DACH2: variants seen among roughly 807,000 people sequenced by gnomAD.
DACH2 encodes dachshund homolog 2.
In DACH2, 17 loss-of-function variants were observed where a neutral mutation model predicts 35.8. That is an observed-to-expected ratio of 0.48 (90% confidence interval 0.33 to 0.71). The LOEUF (loss-of-function observed/expected upper bound fraction) is 0.71, where lower values mean the gene tolerates loss of function less well. DACH2 is among the 30% of genes least tolerant of loss of function. DACH2 has a pLI of 0.02. For missense variants in DACH2, 469 were observed against 472.7 expected, an observed-to-expected ratio of 0.99 and a Z score of 0.07; for synonymous variants, 195 against 177.3, an observed-to-expected ratio of 1.10 and a Z score of -0.79.
At chrX:86,734,081 A>G (rs1271566176) in intron 6 of DACH2, among the ~76,000 whole-genome samples, 1 of 110,772 alleles carries the variant, frequency 9.0e-6, no homozygotes, top group African/African-American at 3.3e-5. Flanking sequence ...TTTCCCACTG[A>G]ACTATTCATT....
At chrX:86,744,160 C>T (rs1288802659) in intron 7 of DACH2, among the ~76,000 whole-genome samples, 2 of 111,074 alleles carry the variant, frequency 1.8e-5, no homozygotes, top group African/African-American at 6.5e-5. Flanking sequence ...TAGTAGTATG[C>T]ACTGGTATTT....
intron 1 of DACH2, among the ~76,000 whole-genome samples, chrX:86,345,675 A>G (rs2035484345): frequency 8.9e-6 from 1 of 111,994 alleles, no homozygotes; most frequent in African/African-American, 3.2e-5. Flanking sequence ...ATAACGGACC[A>G]TGCAGCCTCA....
rs145610095 is a variant in DACH2 at position 86,199,656 on chromosome X, T to A, written c.488+50548T>A. On this transcript the variant is annotated intron_variant, in intron 1 of 11. Coordinates refer to ENST00000373125, the MANE Select transcript of DACH2 (RefSeq NM_053281.3). ...AGCCAAATCAGGAATTCAATCCCCT[T>A]CACAATTGCCAGAAAATGAATAAAA... 1.2e-3 allele frequency among the ~76,000 whole-genome samples: 137 copies of A among 111,670 alleles called. 1 individual carries two copies. In the East Asian group the frequency reaches 0.032, roughly 26 times the overall value.
chrX:86,667,356 AGAGGAAG>A (rs2040688154), intron 4 of DACH2, among the ~76,000 whole-genome samples: 1 of 75,519 alleles, frequency 1.3e-5, no homozygotes, highest in Non-Finnish European at 2.6e-5. Flanking sequence ...GAAGGAAGGA[AGAGGAAG>A]GGAAGGGAGG....
chrX:86,608,666 G>A (rs946637586), intron 3 of DACH2, among the ~76,000 whole-genome samples: 1 of 111,125 alleles, frequency 9.0e-6, no homozygotes. Context: ...TGTTTGTCTC[G>A]GATAGTCATT....
intron 1 of DACH2, among the ~76,000 whole-genome samples, chrX:86,228,948 G>C (rs1402792782): frequency 1.8e-5 from 2 of 111,635 alleles, no homozygotes; most frequent in Non-Finnish European, 3.8e-5. Context: ...TCCTTTTGCT[G>C]TGCAAAAACT....
At chrX:86,198,297 C>A (rs1380647915) in intron 1 of DACH2, among the ~76,000 whole-genome samples, 1 of 111,445 alleles carries the variant, frequency 9.0e-6, no homozygotes, top group Non-Finnish European at 1.9e-5. Context: ...CGATAAACAC[C>A]CACATCAAAA....
At chrX:86,308,199 C>A (rs746743278) in intron 1 of DACH2, among the ~76,000 whole-genome samples, 2 of 112,594 alleles carry the variant, frequency 1.8e-5, no homozygotes, top group Non-Finnish European at 3.7e-5. Context: ...GAGAGCAGTA[C>A]TTGCATTTTT....
At chrX:86,546,228 A>C (rs1367177957) in intron 3 of DACH2, among the ~76,000 whole-genome samples, 1 of 111,481 alleles carries the variant, frequency 9.0e-6, no homozygotes, top group African/African-American at 3.3e-5. Flanking sequence ...AAATTCCACC[A>C]GCAGATGGAT....
intron 1 of DACH2, among the ~76,000 whole-genome samples, chrX:86,319,726 G>T (rs1245516651): frequency 1.8e-5 from 2 of 112,062 alleles, no homozygotes; most frequent in Non-Finnish European, 3.8e-5. Context: ...AAAGATTAAA[G>T]TTCCGTGAAC....
chrX:86,772,766 A>G (rs1486164887), intron 7 of DACH2, among the ~76,000 whole-genome samples: 10 of 111,545 alleles, frequency 9.0e-5, no homozygotes, highest in Admixed American at 6.7e-4. Context: ...AGCGGCTTCC[A>G]TAGACACACA....
intron 3 of DACH2, among the ~76,000 whole-genome samples, chrX:86,572,158 G>T (rs1225043161): frequency 9.0e-6 from 1 of 110,645 alleles, no homozygotes; most frequent in Admixed American, 9.7e-5. Flanking sequence ...TGAGTTAATG[G>T]GTGCAGCACA....
intron 7 of DACH2, among the ~76,000 whole-genome samples, chrX:86,802,203 A>C (rs1384737827): frequency 9.0e-6 from 1 of 111,385 alleles, no homozygotes; most frequent in Non-Finnish European, 1.9e-5. Flanking sequence ...CTTTAGCATC[A>C]ATTGGGCACT....
intron 1 of DACH2, among the ~76,000 whole-genome samples, chrX:86,315,398 A>T (rs2034879412): frequency 8.9e-6 from 1 of 112,249 alleles, no homozygotes. Flanking sequence ...CAGGAGATTC[A>T]TGTTGTTTTC....
At chrX:86,529,208 T>C (rs1388114727) in intron 3 of DACH2, among the ~76,000 whole-genome samples, 2 of 111,172 alleles carry the variant, frequency 1.8e-5, no homozygotes, top group Non-Finnish European at 1.9e-5. Context: ...TATACTTGGA[T>C]AAATTTTTAA....
intron 1 of DACH2, among the ~76,000 whole-genome samples, chrX:86,260,437 C>T (rs2033605000): frequency 8.9e-6 from 1 of 111,758 alleles, no homozygotes; most frequent in Admixed American, 9.5e-5. Flanking sequence ...GAGCTGGGTT[C>T]TCCGAATAGG....
At chrX:86,254,781 A>AATATATATATATATATATAT (rs1200745075) in intron 1 of DACH2, among the ~76,000 whole-genome samples, 1 of 22,583 alleles carries the variant, frequency 4.4e-5, no homozygotes, top group African/African-American at 1.8e-4. Context: ...CAAATAAATA[A>AATATATATATATATATATAT]ATATATATAT....
intron 1 of DACH2, among the ~76,000 whole-genome samples, chrX:86,331,595 A>G (rs2035214440): frequency 1.8e-5 from 2 of 111,661 alleles, no homozygotes; most frequent in South Asian, 3.7e-4. Flanking sequence ...GGCTTTTACA[A>G]AAGGGGAAAA....
At chrX:86,299,752 G>C (rs1346373724) in intron 1 of DACH2, among the ~76,000 whole-genome samples, 1 of 111,565 alleles carries the variant, frequency 9.0e-6, no homozygotes, top group Non-Finnish European at 1.9e-5. Context: ...CATAGAGCTT[G>C]GCTTAAAATC....
Sources: gnomAD v4.1 joint callset for allele counts (sites outside exome capture counted in the v4.1 genomes callset) on GRCh38, gnomAD v4.1.1 for gene constraint, MANE v1.5 for transcripts, NCBI Gene and HGNC (gene_info 2026-07-23, HGNC 2026-07-21) for gene names.